Variants in TMEM164 observed in about 807,000 individuals in gnomAD.
The protein encoded by TMEM164 is RP13-360B22.2.
Under a neutral mutation model 18.8 loss-of-function variants are expected in TMEM164, and 4 were observed. The observed-to-expected ratio is 0.21, with a 90% confidence interval of 0.10 to 0.49. TMEM164 has a LOEUF of 0.49. Among genes scored for constraint, TMEM164 ranks in the 20% least tolerant of loss-of-function variants. The pLI is 0.98. For synonymous variants in TMEM164, 86 were observed against 101.7 expected, an observed-to-expected ratio of 0.85 and a Z score of 0.93; for missense variants, 108 against 239.9, an observed-to-expected ratio of 0.45 and a Z score of 3.63.
intron 2 of TMEM164, among the ~76,000 whole-genome samples, chrX:110,004,531 C>T (rs1009089134): frequency 2.7e-5 from 3 of 111,745 alleles, no homozygotes; most frequent in African/African-American, 9.8e-5. Flanking sequence ...GACCCAGCTC[C>T]CTTGCCTTCT....
chrX:110,009,456 GTTTGTTT>G (rs1046427106), intron 2 of TMEM164, among the ~76,000 whole-genome samples: 28 of 108,798 alleles, frequency 2.6e-4, no homozygotes, highest in Admixed American at 1.4e-3. Flanking sequence ...TTTTTTGTTT[GTTTGTTT>G]TTTGTTTTTT....
intron 4 of TMEM164, among the ~76,000 whole-genome samples, chrX:110,139,989 G>A (rs992834534): frequency 9.0e-6 from 1 of 111,421 alleles, no homozygotes; most frequent in Non-Finnish European, 1.9e-5. Context: ...AAAAAGGTGT[G>A]AGGTAAAATG....
intron 3 of TMEM164, among the ~76,000 whole-genome samples, chrX:110,080,076 C>T (rs1369958190): frequency 1.8e-5 from 2 of 111,478 alleles, no homozygotes; most frequent in Non-Finnish European, 3.8e-5. Flanking sequence ...TTTCACCATC[C>T]TTCCACCCAA....
At chrX:110,082,967 T>C (rs1373204938) in intron 3 of TMEM164, among the ~76,000 whole-genome samples, 2 of 111,931 alleles carry the variant, frequency 1.8e-5, no homozygotes, top group African/African-American at 6.5e-5. Flanking sequence ...GTTTTACATA[T>C]ATAAAGAGTG....
At chrX:110,089,158 A>G (rs2065892598) in intron 3 of TMEM164, among the ~76,000 whole-genome samples, 1 of 112,307 alleles carries the variant, frequency 8.9e-6, no homozygotes, top group African/African-American at 3.2e-5. Flanking sequence ...TTGTAAGGAA[A>G]AGAAATAAAA....
At chrX:110,002,634 C>G (rs1482815778), upstream of TMEM164, 1 of 105,694 alleles carries the variant, frequency 9.5e-6, no homozygotes, top group Non-Finnish European at 2.0e-5. Flanking sequence ...AGGAAGCGAG[C>G]GCGGCTGCTG....
At chrX:110,182,865 T>C (rs2067328636), downstream of TMEM164, 1 of 111,807 alleles carries the variant, frequency 8.9e-6, no homozygotes, top group Non-Finnish European at 1.9e-5. Flanking sequence ...CCTTGTAACC[T>C]TTAGGCCAAC....
intron 2 of TMEM164, among the ~76,000 whole-genome samples, chrX:110,031,885 T>C (rs950556699): frequency 5.5e-5 from 6 of 109,141 alleles, no homozygotes; most frequent in African/African-American, 2.0e-4. Flanking sequence ...ATTATTATCA[T>C]TATACTTTAA....
chrX:110,173,301 C>A lies in TMEM164; in HGVS notation c.744C>A (p.Tyr248Ter), dbSNP rs1237825310. Reference sequence around the variant, plus strand: ...GTCCGGCCATCTCAGACCCATTCTACGGCCCCTGGTATCGCATCTGGGCCT... The same window carrying A: ...GTCCGGCCATCTCAGACCCATTCTAAGGCCCCTGGTATCGCATCTGGGCCT... ...MLCPAISDPF[Y>*]GPWYRIWASG... Residue 248 changes from tyrosine (Y) to a stop codon, truncating the protein, a stop_gained, in exon 7 of 7, where the codon TAC (tyrosine) becomes TAA (stop). Transcript: ENST00000372068. LOFTEE classifies it high-confidence loss of function. 1 of 1,209,502 alleles carries A rather than the reference C, an allele frequency of 8.3e-7. No individual in the cohort carries two copies. The highest frequency in any genetic ancestry group is 1.1e-6 in the Non-Finnish European group (1 of 895,123).
intron 5 of TMEM164, among the ~76,000 whole-genome samples, chrX:110,145,173 C>A (rs1024145062): frequency 9.0e-6 from 1 of 111,066 alleles, no homozygotes; most frequent in Non-Finnish European, 1.9e-5. Flanking sequence ...TGCATGGAGC[C>A]CCCCACACTG....
intron 4 of TMEM164, among the ~76,000 whole-genome samples, chrX:110,136,213 A>G (rs1457355456): frequency 2.7e-5 from 3 of 111,486 alleles, no homozygotes; most frequent in African/African-American, 9.8e-5. Context: ...TTTAATGGCA[A>G]TGTGGTATTC....
rs2066346548 is a variant in TMEM164, at chrX:110,115,369, G to A, written c.507+6223G>A. 3.6e-5 allele frequency among the ~76,000 whole-genome samples: 4 copies of A among 111,999 alleles called. No individual in the cohort carries two copies. The South Asian group carries it at 1.1e-3, about 31-fold the overall frequency. ...AAGCGTACAAAGCTTGGTTTCAAAA[G>A]AGGTATTAATTTTCTAAAGAATTGA... On this transcript the variant is annotated intron_variant, in intron 4 of 6. Transcript: ENST00000372068.
chrX:110,101,580 A>ATTT (rs1298157425), intron 3 of TMEM164, among the ~76,000 whole-genome samples: 2,493 of 90,770 alleles, frequency 0.027, 125 homozygotes, highest in African/African-American at 0.099. Flanking sequence ...GGTTTTATTG[A>ATTT]TTTTTTTTTT....
chrX:110,075,268 T>C (rs1196667733), intron 3 of TMEM164, among the ~76,000 whole-genome samples: 2 of 111,758 alleles, frequency 1.8e-5, no homozygotes, highest in Admixed American at 9.6e-5. Context: ...TTGAATGTTA[T>C]TGGTGTATAG....
At chrX:110,110,078 G>A (rs1277400194) in intron 4 of TMEM164, among the ~76,000 whole-genome samples, 1 of 111,389 alleles carries the variant, frequency 9.0e-6, no homozygotes, top group African/African-American at 3.3e-5. Context: ...AAGAATTATG[G>A]CCTCTTGTTT....
chrX:110,088,467 T>C (rs1307684082), intron 3 of TMEM164, among the ~76,000 whole-genome samples: 2 of 112,170 alleles, frequency 1.8e-5, no homozygotes, highest in Non-Finnish European at 3.8e-5. Flanking sequence ...GACTCAGTTA[T>C]TGGCAAAGGA....
intron 5 of TMEM164, among the ~76,000 whole-genome samples, chrX:110,165,892 C>T (rs1011627342): frequency 8.9e-6 from 1 of 112,671 alleles, no homozygotes; most frequent in African/African-American, 3.2e-5. Flanking sequence ...TGTCCCTCTC[C>T]AGTCCATTGT....
intron 2 of TMEM164, among the ~76,000 whole-genome samples, chrX:110,034,404 C>T (rs995418116): frequency 8.9e-6 from 1 of 112,420 alleles, no homozygotes; most frequent in Non-Finnish European, 1.9e-5. Flanking sequence ...ATTTGGCAAA[C>T]TTTTTCTGTA....
In TMEM164 at chrX:110,176,317, T is replaced by C; in HGVS notation, c.*2866T>C. On this transcript the variant is annotated 3_prime_UTR_variant, in exon 7 of 7. Coordinates refer to ENST00000372068, the MANE Select transcript of TMEM164 (RefSeq NM_032227.4). ...CTTCTGGTCCTCCCTGCCCTCAGTA[T>C]TTGGTTTTGTACACCAAAGATGATC... is the stretch of plus-strand genomic sequence containing the variant. 1.3e-6 allele frequency: 1 copy of C among 756,283 alleles called. No individual in the cohort carries two copies. Among genetic ancestry groups the C allele is most frequent in the Non-Finnish European group, 1.6e-6 (1 of 639,515 alleles). 62.3% of individuals were successfully genotyped at this position (756,283 alleles called of 1,213,427 possible).
Sources: gnomAD v4.1 joint callset for allele counts (sites outside exome capture counted in the v4.1 genomes callset) on GRCh38, gnomAD v4.1.1 for gene constraint, MANE v1.5 for transcripts, NCBI Gene and HGNC (gene_info 2026-07-23, HGNC 2026-07-21) for gene names.